The following LAMA2 variants were observed in gnomAD, a reference collection of about 807,000 sequenced individuals.
LAMA2 encodes the protein laminin subunit alpha-2.
LAMA2 carries 269 observed loss-of-function variants against 364.8 expected under a neutral mutation model. The ratio of observed to expected loss-of-function variants is 0.74; its 90% CI spans 0.67 to 0.82. The LOEUF (loss-of-function observed/expected upper bound fraction) is 0.82. LAMA2 is among the 40% of genes least tolerant of loss of function. LAMA2 has a pLI of 0.00. For missense variants in LAMA2, 3,807 were observed against 3,873.2 expected (o/e 0.98, Z 0.45); for synonymous variants, 1,379 against 1,370.6 (o/e 1.01, Z -0.14).
chr6:129,187,572 C>T (rs1187922451), intron 10 of LAMA2, among the ~76,000 whole-genome samples: 1 of 150,466 alleles, frequency 6.6e-6, no homozygotes, highest in East Asian at 1.9e-4. Context: ...TTAGGATGGA[C>T]TTTCTGAGGG....
In LAMA2 at chr6:129,260,780, AGT is replaced by A. The variant is rs770015133; in HGVS notation, c.2171_2172del (p.Cys724SerfsTer12). 3 of 1,612,210 alleles carry A rather than the reference AGT, an allele frequency of 1.9e-6. No homozygotes were observed. Among genetic ancestry groups the A allele is most frequent in the Non-Finnish European group, 8.5e-7 (1 of 1,178,542 alleles). On this transcript the variant is annotated frameshift_variant, in exon 15 of 65. Transcript: ENST00000421865. LOFTEE classifies it high-confidence loss of function. Reference sequence around the variant, plus strand: ...ATGGAAGCATTGCAGCAGCTGTAGAAGTGTGTCAGTGCCCACCAGGGTATACT... The same window carrying A: ...ATGGAAGCATTGCAGCAGCTGTAGAAGTGTCAGTGCCCACCAGGGTATACT... Reference protein sequence around the residue: ...TDGSIAAAVEVCQCPPGYTGS... With the variant: ...TDGSIAAAVEXCQCPPGYTGS...
At chr6:129,298,340 T>C (rs1458001841) in intron 21 of LAMA2, among the ~76,000 whole-genome samples, 6 of 152,136 alleles carry the variant, frequency 3.9e-5, no homozygotes, top group Non-Finnish European at 8.8e-5. Flanking sequence ...TTGGCTGCCT[T>C]GAAAACTATG....
chr6:129,488,947 C>T (rs773112189), intron 56 of LAMA2, among the ~76,000 whole-genome samples: 1 of 151,708 alleles, frequency 6.6e-6, no homozygotes, highest in African/African-American at 2.4e-5. Context: ...AACATCCTTT[C>T]ATCACAGATG....
intron 2 of LAMA2, among the ~76,000 whole-genome samples, chr6:129,059,463 T>A (rs2114794763): frequency 6.6e-6 from 1 of 152,302 alleles, no homozygotes; most frequent in Admixed American, 6.5e-5. Context: ...TCAATTAGAT[T>A]TTAACATTAT....
intron 1 of LAMA2, among the ~76,000 whole-genome samples, chr6:128,984,860 G>A (rs1228618324): frequency 2.6e-5 from 4 of 151,830 alleles, no homozygotes; most frequent in African/African-American, 9.7e-5. Context: ...ATCCACCCTG[G>A]GAATCACTTC....
intron 35 of LAMA2, among the ~76,000 whole-genome samples, chr6:129,386,879 A>AT (rs1218056513): frequency 3.3e-5 from 5 of 152,068 alleles, no homozygotes; most frequent in Admixed American, 3.3e-4. Context: ...GGGAGCTTGT[A>AT]TTTTTTTTAC....
intron 17 of LAMA2, among the ~76,000 whole-genome samples, chr6:129,276,568 T>G (rs1284774746): frequency 6.6e-6 from 1 of 152,098 alleles, no homozygotes; most frequent in African/African-American, 2.4e-5. Context: ...ACAGAAGAAG[T>G]TTCCCTAATG....
intron 30 of LAMA2, among the ~76,000 whole-genome samples, chr6:129,343,757 A>G (rs1335938143): frequency 6.6e-6 from 1 of 152,186 alleles, no homozygotes; most frequent in Non-Finnish European, 1.5e-5. Context: ...GTTAAGGGGT[A>G]TCAACTTAAA....
intron 28 of LAMA2, among the ~76,000 whole-genome samples, chr6:129,325,491 G>C (rs1371574126): frequency 1.3e-5 from 2 of 150,214 alleles, no homozygotes; most frequent in Non-Finnish European, 3.0e-5. Context: ...TATTTAAATT[G>C]AAAGAATAGT....
At chr6:129,033,933 G>T (rs1195425407) in intron 1 of LAMA2, among the ~76,000 whole-genome samples, 1 of 150,158 alleles carries the variant, frequency 6.7e-6, no homozygotes, top group African/African-American at 2.4e-5. Context: ...AAAGCCTTTG[G>T]GATGATTTAG....
intron 3 of LAMA2, among the ~76,000 whole-genome samples, chr6:129,078,277 G>T (rs1773792721): frequency 6.6e-6 from 1 of 151,904 alleles, no homozygotes; most frequent in East Asian, 1.9e-4. Context: ...TGGAACTACA[G>T]GTGCGCGCCA....
intron 55 of LAMA2, among the ~76,000 whole-genome samples, chr6:129,484,690 A>C (rs771075414): frequency 2.0e-4 from 31 of 152,226 alleles, no homozygotes; most frequent in Non-Finnish European, 3.4e-4. Flanking sequence ...TAGATTTCTC[A>C]TACAAGTAGC....
At chr6:129,134,866 A>G (rs1777690790) in intron 4 of LAMA2, among the ~76,000 whole-genome samples, 1 of 152,166 alleles carries the variant, frequency 6.6e-6, no homozygotes, top group Non-Finnish European at 1.5e-5. Flanking sequence ...TGGTCAGCAT[A>G]GAGCTTTCCT....
At chr6:129,213,342 T>C (rs762028556) in intron 12 of LAMA2, among the ~76,000 whole-genome samples, 6 of 152,238 alleles carry the variant, frequency 3.9e-5, no homozygotes, top group Non-Finnish European at 8.8e-5. Context: ...TAAACACTTA[T>C]GTGATAAGTC....
At chr6:128,996,534 A>G (rs971027660) in intron 1 of LAMA2, among the ~76,000 whole-genome samples, 2 of 152,248 alleles carry the variant, frequency 1.3e-5, no homozygotes, top group Admixed American at 6.5e-5. Context: ...AAAGCTCACC[A>G]TCACTGGTAA....
chr6:129,434,740 A>G (rs1273001874), intron 41 of LAMA2, among the ~76,000 whole-genome samples: 1 of 151,920 alleles, frequency 6.6e-6, no homozygotes, highest in Admixed American at 6.6e-5. Context: ...AGGAGTGCTT[A>G]TTTTTCTAGG....
intron 3 of LAMA2, among the ~76,000 whole-genome samples, chr6:129,074,779 G>T (rs942287976): frequency 1.3e-5 from 2 of 152,128 alleles, no homozygotes. Context: ...TATGAAGAAA[G>T]AATATGTAAA....
Position 129,242,605 on chromosome 6 carries a change from A to G in LAMA2, c.1783-7507A>G, listed in dbSNP as rs72973232. Among the ~76,000 whole-genome samples the G allele has an allele frequency of 4.5e-3, 680 of 152,256 alleles. 2 individuals are homozygous for G. The highest frequency in any genetic ancestry group is 7.9e-3 in the Non-Finnish European group (534 of 67,968). On this transcript the variant is annotated intron_variant, in intron 12 of 64. Coordinates refer to ENST00000421865, the MANE Select transcript of LAMA2 (RefSeq NM_000426.4). Reference sequence around the variant, plus strand: ...TGATTAGATCAATGTTTAATTATGGATAACATGTATTTTTTGCACTGAATA... The same window carrying G: ...TGATTAGATCAATGTTTAATTATGGGTAACATGTATTTTTTGCACTGAATA...
At chr6:128,925,900 A>G (rs1279542073) in intron 1 of LAMA2, among the ~76,000 whole-genome samples, 2 of 152,054 alleles carry the variant, frequency 1.3e-5, no homozygotes, top group Non-Finnish European at 2.9e-5. Context: ...TGAGAAACGG[A>G]GCAGGGAAAC....
Sources: gnomAD v4.1 joint callset for allele counts (sites outside exome capture counted in the v4.1 genomes callset) on GRCh38, gnomAD v4.1.1 for gene constraint, MANE v1.5 for transcripts, NCBI Gene and HGNC (gene_info 2026-07-23, HGNC 2026-07-21) for gene names.